Variants in PRKG1 observed in about 807,000 individuals in gnomAD.
PRKG1 encodes cGMP-dependent protein kinase 1.
PRKG1 carries 35 observed loss-of-function variants against 88.1 expected under a neutral mutation model. The ratio of observed to expected loss-of-function variants is 0.40; its 90% confidence interval spans 0.30 to 0.53. The LOEUF (loss-of-function observed/expected upper bound fraction) is 0.53, where lower values mean the gene tolerates loss of function less well. PRKG1 is among the 20% of genes least tolerant of loss of function. PRKG1 has a pLI of 0.59. For missense variants in PRKG1, 540 were observed against 839.8 expected (o/e 0.64, Z 4.41); for synonymous variants, 303 against 292.5 (o/e 1.04, Z -0.37).
At chr10:51,258,550 C>T (rs1201762764) in intron 2 of PRKG1, among the ~76,000 whole-genome samples, 2 of 152,196 alleles carry the variant, frequency 1.3e-5, no homozygotes, top group African/African-American at 2.4e-5. Flanking sequence ...GCTCTATTGT[C>T]ACTCTGCCTT....
chr10:51,037,987 TAGTA>T (rs1423166382), intron 1 of PRKG1, among the ~76,000 whole-genome samples: 1 of 152,206 alleles, frequency 6.6e-6, no homozygotes, highest in African/African-American at 2.4e-5. Context: ...GTTTTTAACT[TAGTA>T]AGTGCTTTTA....
At chr10:51,684,601 G>A (rs1483489713) in intron 3 of PRKG1, among the ~76,000 whole-genome samples, 1 of 152,068 alleles carries the variant, frequency 6.6e-6, no homozygotes, top group Non-Finnish European at 1.5e-5. Flanking sequence ...CAGGCGCAGT[G>A]GCTCAGTCCT....
At chr10:51,605,507 T>C (rs181573016) in intron 3 of PRKG1, among the ~76,000 whole-genome samples, 81 of 152,102 alleles carry the variant, frequency 5.3e-4, no homozygotes, top group African/African-American at 1.9e-3. Flanking sequence ...TTTACAAGAG[T>C]ATATACACTG....
At chr10:51,427,404 A>G (rs1838621424) in intron 2 of PRKG1, among the ~76,000 whole-genome samples, 1 of 152,200 alleles carries the variant, frequency 6.6e-6, no homozygotes, top group African/African-American at 2.4e-5. Flanking sequence ...TACCTTGATC[A>G]GCAAAGACAA....
At chr10:51,562,990 G>A (rs990274889) in intron 3 of PRKG1, among the ~76,000 whole-genome samples, 7 of 151,606 alleles carry the variant, frequency 4.6e-5, no homozygotes, top group African/African-American at 1.7e-4. Context: ...ATGTTGCCCA[G>A]GCTGGTCTCT....
chr10:51,085,224 A>ACC (rs1375072982), intron 1 of PRKG1, among the ~76,000 whole-genome samples: 2 of 152,180 alleles, frequency 1.3e-5, no homozygotes, highest in Non-Finnish European at 2.9e-5. Context: ...TCTTCCTAAT[A>ACC]CCTACGTTAC....
chr10:52,036,881 A>G (rs1845627080), intron 5 of PRKG1, among the ~76,000 whole-genome samples: 1 of 152,132 alleles, frequency 6.6e-6, no homozygotes, highest in Non-Finnish European at 1.5e-5. Flanking sequence ...GGCAAGGGAA[A>G]CAGGCCCTTG....
At chr10:51,324,614 G>A (rs1034583303) in intron 2 of PRKG1, among the ~76,000 whole-genome samples, 10 of 151,144 alleles carry the variant, frequency 6.6e-5, no homozygotes, top group Non-Finnish European at 1.5e-4. Context: ...GGTGGCGGGC[G>A]CCTGTAATCC....
intron 1 of PRKG1, among the ~76,000 whole-genome samples, chr10:51,002,212 G>A (rs1170492094): frequency 6.6e-6 from 1 of 151,476 alleles, no homozygotes; most frequent in African/African-American, 2.4e-5. Context: ...GGAGACTAAA[G>A]GAATGGCTTC....
chr10:51,495,003 G>A (rs968560338), intron 3 of PRKG1, among the ~76,000 whole-genome samples: 9 of 152,122 alleles, frequency 5.9e-5, no homozygotes, highest in Non-Finnish European at 1.2e-4. Context: ...CTTTCAGGAG[G>A]GAAGATGAAG....
At chr10:51,839,031 G>A (rs1840201023) in intron 4 of PRKG1, among the ~76,000 whole-genome samples, 1 of 152,130 alleles carries the variant, frequency 6.6e-6, no homozygotes, top group Non-Finnish European at 1.5e-5. Context: ...TGGTCACATT[G>A]ATACAGCCTG....
At chr10:51,228,230 T>C (rs542971062) in intron 2 of PRKG1, among the ~76,000 whole-genome samples, 2 of 152,338 alleles carry the variant, frequency 1.3e-5, no homozygotes, top group Admixed American at 1.3e-4. Flanking sequence ...AGTTATGTTA[T>C]TGTGTCTGCC....
chr10:51,459,325 T>TA (rs1038347439), intron 2 of PRKG1, among the ~76,000 whole-genome samples: 2 of 152,170 alleles, frequency 1.3e-5, no homozygotes, highest in African/African-American at 4.8e-5. Context: ...ACATCCTTTT[T>TA]ACCAAGTCTT....
chr10:51,616,578 G>A (rs1839062352), intron 3 of PRKG1, among the ~76,000 whole-genome samples: 1 of 152,084 alleles, frequency 6.6e-6, no homozygotes, highest in African/African-American at 2.4e-5. Context: ...CAACAGTGAT[G>A]GAATGGGCTG....
chr10:51,503,331 C>T (rs1841091622), intron 3 of PRKG1, among the ~76,000 whole-genome samples: 1 of 152,032 alleles, frequency 6.6e-6, no homozygotes, highest in Non-Finnish European at 1.5e-5. Flanking sequence ...AAAATACCTC[C>T]CCTGTAGCCC....
intron 3 of PRKG1, among the ~76,000 whole-genome samples, chr10:51,672,192 T>TTTGAA (rs1472003028): frequency 5.3e-5 from 8 of 152,098 alleles, no homozygotes; most frequent in Non-Finnish European, 1.0e-4. Context: ...GTGTCTACCT[T>TTTGAA]TAGTCTCTTA....
At chr10:52,036,987 T>C (rs1456212920) in intron 5 of PRKG1, among the ~76,000 whole-genome samples, 1 of 152,262 alleles carries the variant, frequency 6.6e-6, no homozygotes, top group Non-Finnish European at 1.5e-5. Context: ...TCGGCGTCTG[T>C]GATGGTCTAG....
At chr10:52,157,685 A>G (rs1838161065) in intron 8 of PRKG1, among the ~76,000 whole-genome samples, 1 of 151,404 alleles carries the variant, frequency 6.6e-6, no homozygotes, top group Admixed American at 6.6e-5. Flanking sequence ...CCTAAGGACA[A>G]TTTCTTTAAA....
At chr10:51,420,583 T>A (rs1211643737) in intron 2 of PRKG1, among the ~76,000 whole-genome samples, 3 of 152,088 alleles carry the variant, frequency 2.0e-5, no homozygotes, top group Non-Finnish European at 4.4e-5. Context: ...TAGCTATAGG[T>A]CAAAGGTGAA....
Sources: allele counts gnomAD v4.1 joint callset (sites outside exome capture counted in the v4.1 genomes callset), GRCh38; gene constraint gnomAD v4.1.1; transcripts MANE v1.5; gene names NCBI Gene and HGNC (gene_info 2026-07-23, HGNC 2026-07-21).